RAB3GAP1: variants seen among roughly 807,000 people sequenced by gnomAD.
RAB3GAP1 encodes the protein RAB3 GTPase activating protein catalytic subunit 1, also known as rab3 GTPase-activating protein catalytic subunit.
Under a neutral mutation model 130.7 loss-of-function variants are expected in RAB3GAP1, and 86 were observed. The observed-to-expected ratio is 0.66, with a 90% CI of 0.55 to 0.79. The LOEUF is 0.79. Ranked by LOEUF, RAB3GAP1 falls within the 30% of genes least tolerant of loss-of-function variation. RAB3GAP1 has a pLI of 0.00. For synonymous variants in RAB3GAP1, 367 were observed against 401.7 expected, an observed-to-expected ratio of 0.91 and a Z score of 1.03; for missense variants, 1,029 against 1,169.4, an observed-to-expected ratio of 0.88 and a Z score of 1.75.
rs531538486 is a variant in RAB3GAP1 at position 135,140,643 on chromosome 2, G to T, written c.1923+4711G>T. 7.9e-5 allele frequency among the ~76,000 whole-genome samples: 12 copies of T among 152,330 alleles called. No individual in the cohort carries two copies. In the South Asian group the frequency reaches 8.3e-4, roughly 11 times the overall value. On this transcript the variant is annotated intron_variant, in intron 17 of 23. Transcript: ENST00000264158. Reference sequence around the variant, plus strand: ...ATTGTGACCACATGTGTGAAATGTTGTCTTCCCTGGGAAGCTTGTTAGAGG... The same window carrying T: ...ATTGTGACCACATGTGTGAAATGTTTTCTTCCCTGGGAAGCTTGTTAGAGG...
chr2:135,092,664 C>G (rs1339406804), intron 4 of RAB3GAP1, among the ~76,000 whole-genome samples: 2 of 152,188 alleles, frequency 1.3e-5, no homozygotes, highest in Non-Finnish European at 2.9e-5. Flanking sequence ...TCTTGAACTC[C>G]TGACCTCAGG....
Position 135,126,496 on chromosome 2 carries a change from T to C in RAB3GAP1, c.900-87T>C, listed in dbSNP as rs1691352681. 1.6e-5 allele frequency: 20 copies of C among 1,266,834 alleles called. 1 individual carries two copies. In the South Asian group the frequency reaches 2.3e-4, roughly 14 times the overall value. 78.5% of individuals were successfully genotyped at this position (1,266,834 alleles called of 1,614,324 possible). A position where few individuals can be genotyped will look rare whatever the true frequency, so the allele number is the denominator to read the frequency against. On this transcript the variant is annotated intron_variant, in intron 10 of 23. Coordinates refer to ENST00000264158, the MANE Select transcript of RAB3GAP1 (RefSeq NM_012233.3). The stretch of plus-strand genomic sequence containing the variant: ...GCTAAATGGATTGCTTGTCCTTCTA[T>C]GTTTTCATTAGACTGCATTTTAATA...
chr2:135,099,333 A>C (rs760010262), intron 5 of RAB3GAP1, among the ~76,000 whole-genome samples: 1 of 151,934 alleles, frequency 6.6e-6, no homozygotes, highest in Non-Finnish European at 1.5e-5. Flanking sequence ...TTTTCTTTAG[A>C]TTTTTAATAT....
chr2:135,154,911 G>T (rs1278522099), intron 19 of RAB3GAP1, among the ~76,000 whole-genome samples: 2 of 152,168 alleles, frequency 1.3e-5, no homozygotes, highest in Non-Finnish European at 1.5e-5. Flanking sequence ...AGAAACTTCA[G>T]AAGAGGGCAC....
At chr2:135,062,513 C>A (rs905602130) in intron 3 of RAB3GAP1, among the ~76,000 whole-genome samples, 4 of 152,118 alleles carry the variant, frequency 2.6e-5, no homozygotes, top group African/African-American at 9.7e-5. Context: ...GATTTTAGAT[C>A]TTTTGTGTTT....
intron 15 of RAB3GAP1, among the ~76,000 whole-genome samples, chr2:135,134,762 T>C (rs2104949747): frequency 6.6e-6 from 1 of 152,326 alleles, no homozygotes; most frequent in East Asian, 1.9e-4. Context: ...ATGTTGAATA[T>C]GAGGGAGTGC....
chr2:135,082,454 T>G (rs1477935609), intron 3 of RAB3GAP1, among the ~76,000 whole-genome samples: 1 of 151,868 alleles, frequency 6.6e-6, no homozygotes, highest in Non-Finnish European at 1.5e-5. Flanking sequence ...TTTTTTTTTT[T>G]TTTTGAGACA....
chr2:135,113,843 G>A (rs901778857), intron 6 of RAB3GAP1, among the ~76,000 whole-genome samples: 5 of 151,968 alleles, frequency 3.3e-5, no homozygotes, highest in South Asian at 2.1e-4. Context: ...GAGTTCAAGC[G>A]ACTCTCCTGT....
chr2:135,169,318 T>G lies in RAB3GAP1; in HGVS notation c.*537T>G. 1 of 194,500 alleles carries G rather than the reference T, an allele frequency of 5.1e-6. No homozygotes were observed. The highest frequency in any genetic ancestry group is 1.1e-5 in the Non-Finnish European group (1 of 93,134). 12.0% of individuals were successfully genotyped at this position (194,500 alleles called of 1,614,324 possible). A position where few individuals can be genotyped will look rare whatever the true frequency, so the allele number is the denominator to read the frequency against. ...CTGGTGGTCATCTTTCTTGTACTAATTAACTGTTGATGAGCATTTTGGATA... is the reference window on the plus strand; with the variant it reads ...CTGGTGGTCATCTTTCTTGTACTAAGTAACTGTTGATGAGCATTTTGGATA... On this transcript the variant is annotated 3_prime_UTR_variant, in exon 24 of 24. Transcript: ENST00000264158.
In RAB3GAP1 at chr2:135,088,639, A is replaced by G. The variant is rs181468186; in HGVS notation, c.151-2359A>G. Among the ~76,000 whole-genome samples, 827 of 150,582 alleles carry G rather than the reference A, an allele frequency of 5.5e-3. 7 individuals are homozygous for G. The highest frequency in any genetic ancestry group is 0.019 in the African/African-American group (771 of 40,796). Reference sequence around the variant, plus strand: ...GGGAGGCGGAAGTTGCAGTGAACCAAGATCGCACCACTGCACTCCAGCCTG... The same window carrying G: ...GGGAGGCGGAAGTTGCAGTGAACCAGGATCGCACCACTGCACTCCAGCCTG... On this transcript the variant is annotated intron_variant, in intron 3 of 23. Coordinates refer to ENST00000264158, the MANE Select transcript of RAB3GAP1 (RefSeq NM_012233.3).
chr2:135,126,646 G>T lies in RAB3GAP1; in HGVS notation c.963G>T (p.Gln321His). 6.2e-7 allele frequency: 1 copy of T among 1,610,916 alleles called. No individual in the cohort carries two copies. The highest frequency in any genetic ancestry group is 8.5e-7 in the Non-Finnish European group (1 of 1,177,162). ...GAGTTCGAAAAGCTGAGAATCCTCA[G>T]TGTTTGCTAGGTAAGGTATATTATG... ...SVRVRKAENP[Q>H]CLLGDFVTEF... The change falls in exon 11 of 24, where the codon CAG (glutamine) becomes CAT (histidine). Residue 321 changes from glutamine to histidine, a missense_variant. Gln to His is a conservative substitution (Grantham distance 24). Around this residue, in one of 3 missense-constraint regions of RAB3GAP1, gnomAD observed 510 missense variants for 532.1 expected, o/e 0.96. Transcript: ENST00000264158.
At position 135,133,908 on chromosome 2, in the gene RAB3GAP1, C is replaced by G; in HGVS notation, c.1374C>G (p.Tyr458Ter). ...FKSAPSDSLTYKLALCLCMIN... is the reference protein window; with the variant it reads ...FKSAPSDSLT ...CTGCACCATCTGACAGTTTAACATA[C>G]AAACTGGCTTTGTGTCTCTGTATGA... The change falls in exon 15 of 24, where the codon TAC becomes TAG. Residue 458 changes from tyrosine to a stop codon, truncating the protein, a stop_gained. Transcript: ENST00000264158. LOFTEE classifies it high-confidence loss of function. The G allele has an allele frequency of 6.2e-7, 1 of 1,613,786 alleles. No homozygotes were observed. Among genetic ancestry groups the G allele is most frequent in the Non-Finnish European group, 8.5e-7 (1 of 1,179,724 alleles).
chr2:135,130,537 C>A lies in RAB3GAP1; in HGVS notation c.1067-15C>A. On this transcript the variant is annotated splice_polypyrimidine_tract_variant and intron_variant, in intron 12 of 23. Coordinates refer to ENST00000264158, the MANE Select transcript of RAB3GAP1 (RefSeq NM_012233.3). The stretch of plus-strand genomic sequence containing the variant: ...TTGGTGATATAATTTATATTTATTT[C>A]TGTTCTTTTTATAGAAACTGCTGAT... 1 of 1,603,570 alleles carries A rather than the reference C, an allele frequency of 6.2e-7. No homozygotes were observed. Among genetic ancestry groups the A allele is most frequent in the Non-Finnish European group, 8.5e-7 (1 of 1,171,672 alleles).
At chr2:135,173,990 A>C (rs1031870116), downstream of RAB3GAP1, among the ~76,000 whole-genome samples, 9 of 152,212 alleles carry the variant, frequency 5.9e-5, no homozygotes, top group Non-Finnish European at 1.2e-4. Context: ...TAGCTCCTGG[A>C]AGCCCAGGGA....
intron 17 of RAB3GAP1, among the ~76,000 whole-genome samples, chr2:135,148,491 C>CTTTTTT (rs571757000): frequency 9.2e-6 from 1 of 108,122 alleles, no homozygotes; most frequent in Non-Finnish European, 1.8e-5. Context: ...GCTAGTAATT[C>CTTTTTT]TTTTTTTTTT....
chr2:135,160,121 T>C (rs1396261390), intron 19 of RAB3GAP1, among the ~76,000 whole-genome samples: 2 of 152,348 alleles, frequency 1.3e-5, no homozygotes, highest in Non-Finnish European at 2.9e-5. Flanking sequence ...ACTGAAGTTA[T>C]CCATTTTAAA....
intron 9 of RAB3GAP1, 64 bp from the exon 10 acceptor site, chr2:135,126,117 A>AGAAGTATT: frequency 3.3e-6 from 4 of 1,195,320 alleles, no homozygotes; most frequent in Non-Finnish European, 5.0e-6. Flanking sequence ...ATAGTTTTCT[A>AGAAGTATT]GAAGTATTAA....
chr2:135,113,742 AT>A (rs772819416), intron 6 of RAB3GAP1, among the ~76,000 whole-genome samples: 1,795 of 144,722 alleles, frequency 0.012, 43 homozygotes, highest in African/African-American at 0.041. Flanking sequence ...CTCAAATAAA[AT>A]TTTTTTTTTT....
intron 8 of RAB3GAP1, among the ~76,000 whole-genome samples, chr2:135,123,867 A>G (rs1691270852): frequency 2.0e-5 from 3 of 152,242 alleles, no homozygotes; most frequent in Non-Finnish European, 4.4e-5. Context: ...AAAAATGTAC[A>G]GAAATAATAT....
Sources: gnomAD v4.1 joint callset for allele counts (sites outside exome capture counted in the v4.1 genomes callset) on GRCh38, gnomAD v4.1.1 for gene constraint, gnomAD v4.1.1 regional missense constraint, MANE v1.5 for transcripts, NCBI Gene and HGNC (gene_info 2026-07-23, HGNC 2026-07-21) for gene names.